UGGT2: variants seen among roughly 807,000 people sequenced by gnomAD.
UGGT2 encodes UDP-glucose glycoprotein glucosyltransferase 2.
UGGT2 carries 180 observed loss-of-function variants against 192.1 expected under a neutral mutation model. The observed-to-expected ratio is 0.94, with a 90% CI of 0.83 to 1.06. UGGT2 has a LOEUF of 1.06. Among genes scored for constraint, UGGT2 ranks in the 50% least tolerant of loss-of-function variants. The probability of loss-of-function intolerance (pLI) is 0.00; values close to 1 mark genes in which losing one functional copy is unlikely to be tolerated. For missense variants in UGGT2, 1,849 were observed against 1,795.7 expected, an observed-to-expected ratio of 1.03 and a Z score of -0.54; for synonymous variants, 580 against 591.0, an observed-to-expected ratio of 0.98 and a Z score of 0.27.
intron 30 of UGGT2, among the ~76,000 whole-genome samples, chr13:95,866,471 A>G (rs1566610025): frequency 6.6e-6 from 1 of 152,114 alleles, no homozygotes; most frequent in Non-Finnish European, 1.5e-5. Context: ...AGATTTATGG[A>G]TGTCTCTTCC....
intron 17 of UGGT2, among the ~76,000 whole-genome samples, chr13:95,931,244 C>T (rs977306844): frequency 2.0e-5 from 3 of 152,166 alleles, no homozygotes; most frequent in Non-Finnish European, 4.4e-5. Flanking sequence ...TCCAGCTAGA[C>T]ACAGGGTACT....
intron 20 of UGGT2, among the ~76,000 whole-genome samples, chr13:95,912,557 A>G (rs533967564): frequency 6.6e-6 from 1 of 152,320 alleles, no homozygotes; most frequent in East Asian, 1.9e-4. Flanking sequence ...TTCAAAGAGA[A>G]CTACAAACCA....
chr13:95,888,598 T>G (rs532253446), intron 25 of UGGT2, among the ~76,000 whole-genome samples: 1 of 152,288 alleles, frequency 6.6e-6, no homozygotes, highest in Non-Finnish European at 1.5e-5. Flanking sequence ...ACATAAAGAC[T>G]AAGGATTTAA....
At position 95,902,913 on chromosome 13, in the gene UGGT2, T is replaced by C; in HGVS notation, c.2443A>G (p.Lys815Glu). The stretch of plus-strand genomic sequence containing the variant: ...TAAATAGCTGTAGCAATTTCTTCCT[T>C]TGCCAGTTGCCCAAGAAAGCTTCTC... ...FLRSFLGQLA[K>E]EEIATAIYSG... The change falls in exon 21 of 39, where the codon AAG (lysine) becomes GAG (glutamate). Residue 815 changes from lysine to glutamate, a missense_variant. Transcript: ENST00000376747. 1.2e-6 allele frequency: 2 copies of C among 1,613,582 alleles called. No homozygotes were observed. Among genetic ancestry groups the C allele is most frequent in the Non-Finnish European group, 1.7e-6 (2 of 1,179,664 alleles).
intron 29 of UGGT2, among the ~76,000 whole-genome samples, chr13:95,869,047 C>T (rs1323489347): frequency 7.0e-6 from 1 of 143,784 alleles, no homozygotes. Context: ...CCCCTCACCC[C>T]ACAACAGGCC....
chr13:95,997,794 A>C (rs1340361073), intron 6 of UGGT2, among the ~76,000 whole-genome samples: 2 of 152,246 alleles, frequency 1.3e-5, no homozygotes, highest in Non-Finnish European at 2.9e-5. Flanking sequence ...CATCCAGGGA[A>C]CAGAAAATTA....
intron 12 of UGGT2, among the ~76,000 whole-genome samples, chr13:95,959,842 G>A (rs1449434297): frequency 6.6e-6 from 1 of 152,142 alleles, no homozygotes; most frequent in Non-Finnish European, 1.5e-5. Context: ...ACTGGTGCTA[G>A]TGTACACCAC....
intron 5 of UGGT2, among the ~76,000 whole-genome samples, chr13:96,011,785 A>AC (rs1213521031): frequency 6.6e-6 from 1 of 152,102 alleles, no homozygotes; most frequent in Admixed American, 6.5e-5. Flanking sequence ...CCAACATTGT[A>AC]CATCACAGAT....
chr13:95,855,786 C>A (rs1889551098), intron 34 of UGGT2, among the ~76,000 whole-genome samples: 1 of 152,162 alleles, frequency 6.6e-6, no homozygotes, highest in Non-Finnish European at 1.5e-5. Context: ...TTGTATGTAA[C>A]TGCTAGCTTT....
rs748331515 is a variant in UGGT2 at position 95,890,909 on chromosome 13, C to G, written c.2911G>C (p.Val971Leu). ...NDMFFNVIAI[V>L]DPLTREAQKM... ...TGTGCTTCTCTTGTTAATGGATCAACAATAGCAATGACATTGAAGAACATA... is the reference window on the plus strand; with the variant it reads ...TGTGCTTCTCTTGTTAATGGATCAAGAATAGCAATGACATTGAAGAACATA... The change falls in exon 25 of 39, where the codon GTT (valine) becomes CTT (leucine). Residue 971 changes from valine to leucine, a missense_variant. Transcript: ENST00000376747. The G allele has an allele frequency of 6.2e-7, 1 of 1,612,942 alleles. No homozygotes were observed. Among genetic ancestry groups the G allele is most frequent in the Non-Finnish European group, 8.5e-7 (1 of 1,179,416 alleles).
rs530091988 is a variant in UGGT2, at chr13:95,845,111, T to C, written c.4285-7909A>G. 2.0e-5 allele frequency among the ~76,000 whole-genome samples: 3 copies of C among 152,330 alleles called. No individual in the cohort carries two copies. The South Asian group carries it at 6.2e-4, about 32-fold the overall frequency. On this transcript the variant is annotated intron_variant, in intron 36 of 38. Coordinates refer to ENST00000376747, the MANE Select transcript of UGGT2 (RefSeq NM_020121.4). ...GTGAGTTACATTGATTTTCTAATAC[T>C]GAATCAGTCTTGCATTCCTGGGATA...
At chr13:96,007,140 T>G (rs889029856) in intron 5 of UGGT2, among the ~76,000 whole-genome samples, 8 of 152,152 alleles carry the variant, frequency 5.3e-5, no homozygotes, top group Non-Finnish European at 1.0e-4. Context: ...TAGTTCAATA[T>G]ACACAAATCG....
In UGGT2 at chr13:95,970,107, C is replaced by T. The variant is rs1409491027; in HGVS notation, c.1335+5G>A. Reference sequence around the variant, plus strand: ...TTTAGAACAAGGAATAGCATAAGCACTTACCATTATAGAAGAATGTCGAAT... The same window carrying T: ...TTTAGAACAAGGAATAGCATAAGCATTTACCATTATAGAAGAATGTCGAAT... On this transcript the variant is annotated splice_donor_5th_base_variant and intron_variant, in intron 12 of 38. Coordinates refer to ENST00000376747, the MANE Select transcript of UGGT2 (RefSeq NM_020121.4). 1.9e-6 allele frequency: 3 copies of T among 1,601,142 alleles called. No individual in the cohort carries two copies. The highest frequency in any genetic ancestry group is 2.6e-6 in the Non-Finnish European group (3 of 1,169,384).
At chr13:95,856,570 T>A in intron 33 of UGGT2, 1 of 495,852 alleles carries the variant, frequency 2.0e-6, no homozygotes, top group Non-Finnish European at 3.5e-6. Context: ...TCATTAAAAA[T>A]AAGTGCACTA....
Position 95,895,294 on chromosome 13 carries a change from G to A in UGGT2, c.2645C>T (p.Pro882Leu). 6.9e-7 allele frequency: 1 copy of A among 1,457,678 alleles called. No homozygotes were observed. The allele number at this position is 1,457,678 out of a possible 1,614,324, so 90.3% of individuals were successfully genotyped here. ...GIVSNGRFLG[P>L]LDEDFYAEDF... Reference sequence around the variant, plus strand: ...TTCTGCATAAAAATCTTCATCTAAAGGTCCTAAGAACTTAAAATAAAAACA... The same window carrying A: ...TTCTGCATAAAAATCTTCATCTAAAAGTCCTAAGAACTTAAAATAAAAACA... Residue 882 changes from proline (P) to leucine (L), a missense_variant, in exon 23 of 39, where the codon CCT becomes CTT. By Grantham distance (98) the Pro-to-Leu change is moderately conservative. Coordinates refer to ENST00000376747, the MANE Select transcript of UGGT2 (RefSeq NM_020121.4).
chr13:95,854,233 CTGT>C (rs1889349224), intron 35 of UGGT2, 79 bp downstream of exon 35: 2 of 1,455,674 alleles, frequency 1.4e-6, no homozygotes, highest in African/African-American at 2.9e-5. Flanking sequence ...TTTAAGAAAA[CTGT>C]GTAATTTTTA....
chr13:95,859,434 A>C (rs1293419646), intron 33 of UGGT2, among the ~76,000 whole-genome samples, 157 bp downstream of exon 33: 1 of 152,138 alleles, frequency 6.6e-6, no homozygotes, highest in Non-Finnish European at 1.5e-5. Flanking sequence ...CTCTAAATAA[A>C]AATTGTACAG....
rs1456742334 is a variant in UGGT2 at position 95,908,111 on chromosome 13, T to A, written c.2296-5051A>T. Among the ~76,000 whole-genome samples, 9 of 152,264 alleles carry A rather than the reference T, an allele frequency of 5.9e-5. No individual in the cohort carries two copies. In the East Asian group the frequency reaches 1.7e-3, roughly 29 times the overall value. ...GAACTTCGTGACACATGCACAAGCT[T>A]CAATAGCAGATTCAATCAAGTGGAA... On this transcript the variant is annotated intron_variant, in intron 20 of 38. Transcript: ENST00000376747.
At chr13:95,816,892 C>T (rs376373023) in intron 38 of UGGT2, among the ~76,000 whole-genome samples, 6 of 151,518 alleles carry the variant, frequency 4.0e-5, no homozygotes, top group South Asian at 2.1e-4. Flanking sequence ...TTTGGGAGGC[C>T]GAGGCAGGTG....
Sources: gnomAD v4.1 joint callset for allele counts (sites outside exome capture counted in the v4.1 genomes callset) on GRCh38, gnomAD v4.1.1 for gene constraint, MANE v1.5 for transcripts, NCBI Gene and HGNC (gene_info 2026-07-23, HGNC 2026-07-21) for gene names.